Variants in DPYSL3 observed in about 807,000 individuals in gnomAD.
The protein encoded by DPYSL3 is dihydropyrimidinase-related protein 3.
Under a neutral mutation model 66.1 loss-of-function variants are expected in DPYSL3, and 16 were observed. The observed-to-expected ratio is 0.24, with a 90% CI of 0.16 to 0.37. The LOEUF (loss-of-function observed/expected upper bound fraction) is 0.37. Among genes scored for constraint, DPYSL3 ranks in the 10% least tolerant of loss-of-function variants. DPYSL3 has a pLI of 1.00. For missense variants in DPYSL3, 738 were observed against 916.2 expected (o/e 0.81, Z 2.51); for synonymous variants, 338 against 345.1 (o/e 0.98, Z 0.23).
intron 1 of DPYSL3, among the ~76,000 whole-genome samples, chr5:147,432,196 C>G (rs530731098): frequency 2.6e-5 from 4 of 152,274 alleles, no homozygotes; most frequent in Non-Finnish European, 5.9e-5. Flanking sequence ...CTTCAAAATG[C>G]AACCCACGAA....
At chr5:147,422,231 C>T (rs1376878238) in intron 2 of DPYSL3, among the ~76,000 whole-genome samples, 1 of 151,942 alleles carries the variant, frequency 6.6e-6, no homozygotes, top group South Asian at 2.1e-4. Context: ...ATTCATGTGG[C>T]CAAAAAACAT....
Position 147,509,466 on chromosome 5 carries a change from G to A in DPYSL3, c.381+12C>T. The A allele has an allele frequency of 6.7e-7, 1 of 1,495,128 alleles. No homozygotes were observed. The allele number at this position is 1,495,128 out of a possible 1,614,324, so 92.6% of individuals were successfully genotyped here. On this transcript the variant is annotated intron_variant, in intron 1 of 13. Transcript: ENST00000343218. This position sits in a 1 kb window ranked among gnomAD's most constrained non-coding sequence, Gnocchi z 5.3. ...CGAAGGCAAGGAGGGAAGTGACCCG[G>A]GGCCCCCTTACCTTGTCCTTGGGGC...
At chr5:147,421,260 C>A (rs1752071429) in intron 2 of DPYSL3, among the ~76,000 whole-genome samples, 1 of 152,118 alleles carries the variant, frequency 6.6e-6, no homozygotes, top group Non-Finnish European at 1.5e-5. Context: ...AACTCCCATT[C>A]ACAATTACTA....
At chr5:147,453,526 G>T in intron 1 of DPYSL3, 1 of 1,523,166 alleles carries the variant, frequency 6.6e-7, no homozygotes, top group Non-Finnish European at 8.8e-7. Context: ...GAGGAGGGAG[G>T]GAGCAGCGGC....
chr5:147,397,656 T>C lies in DPYSL3; in HGVS notation c.1803+10A>G, dbSNP rs375708216. ...CTCCTGCACCACCTCAGAGCTCCAA[T>C]GCTTTTTACCTTCCTCCGTGCTTTA... On this transcript the variant is annotated intron_variant, in intron 12 of 13. Coordinates refer to ENST00000343218, the MANE Select transcript of DPYSL3 (RefSeq NM_001197294.2). The C allele has an allele frequency of 6.2e-7, 1 of 1,611,442 alleles. No individual in the cohort carries two copies. Among genetic ancestry groups the C allele is most frequent in the Admixed American group, 1.7e-5 (1 of 59,946 alleles).
intron 1 of DPYSL3, among the ~76,000 whole-genome samples, chr5:147,496,488 G>A (rs1039783612): frequency 1.3e-5 from 2 of 151,810 alleles, no homozygotes; most frequent in Admixed American, 1.3e-4. Context: ...GAAAATTTTT[G>A]CAACCTACTC....
At chr5:147,479,777 A>T (rs371809287) in intron 1 of DPYSL3, among the ~76,000 whole-genome samples, 1 of 152,310 alleles carries the variant, frequency 6.6e-6, no homozygotes. Flanking sequence ...ATAACACCCA[A>T]GTCCCACTGT....
intron 1 of DPYSL3, among the ~76,000 whole-genome samples, chr5:147,461,214 G>A (rs983234838): frequency 6.6e-6 from 1 of 152,168 alleles, no homozygotes; most frequent in Non-Finnish European, 1.5e-5. Context: ...AAGCAACATG[G>A]CACTAGCAAG....
At chr5:147,407,943 T>C (rs1327899004) in intron 7 of DPYSL3, among the ~76,000 whole-genome samples, 3 of 152,128 alleles carry the variant, frequency 2.0e-5, no homozygotes, top group Non-Finnish European at 2.9e-5. Context: ...TAGAAACATT[T>C]TTTTCTATAT....
chr5:147,509,884 G>T lies in DPYSL3; in HGVS notation c.-26C>A, dbSNP rs1286157053. 1.5e-5 allele frequency: 23 copies of T among 1,488,174 alleles called. No homozygotes were observed. Among genetic ancestry groups the T allele is most frequent in the East Asian group, 2.5e-5 (1 of 39,880 alleles). 92.2% of individuals were successfully genotyped at this position (1,488,174 alleles called of 1,614,324 possible). A position where few individuals can be genotyped will look rare whatever the true frequency, so the allele number is the denominator to read the frequency against. Reference sequence around the variant, plus strand: ...GGTTCAAGCACGAAAGCGGCCCGCGGGTTTTTCTTCCCCAGAGGCGGAAAG... The same window carrying T: ...GGTTCAAGCACGAAAGCGGCCCGCGTGTTTTTCTTCCCCAGAGGCGGAAAG... On this transcript the variant is annotated 5_prime_UTR_variant, in exon 1 of 14. Coordinates refer to ENST00000343218, the MANE Select transcript of DPYSL3 (RefSeq NM_001197294.2). The surrounding 1 kb of genome is among the most constrained non-coding windows in gnomAD (Gnocchi z 5.3).
At chr5:147,434,683 G>A (rs1466950058) in intron 1 of DPYSL3, among the ~76,000 whole-genome samples, 2 of 148,190 alleles carry the variant, frequency 1.3e-5, no homozygotes, top group East Asian at 4.1e-4. Flanking sequence ...GACCTAAAAT[G>A]ACGAAGAGTA....
intron 8 of DPYSL3, 68 bp downstream of exon 8, chr5:147,405,542 G>T: frequency 6.5e-7 from 1 of 1,541,648 alleles, no homozygotes; most frequent in Non-Finnish European, 8.7e-7. Context: ...TATTACACAG[G>T]ACAACCAGAG....
intron 1 of DPYSL3, among the ~76,000 whole-genome samples, chr5:147,427,811 T>G (rs1581188609): frequency 6.6e-6 from 1 of 152,186 alleles, no homozygotes; most frequent in East Asian, 1.9e-4. Flanking sequence ...ATAATAACAA[T>G]CTTGGTAACT....
At chr5:147,434,242 A>G (rs1752373244) in intron 1 of DPYSL3, among the ~76,000 whole-genome samples, 1 of 152,254 alleles carries the variant, frequency 6.6e-6, no homozygotes, top group Non-Finnish European at 1.5e-5. Flanking sequence ...AGTCCAGTAC[A>G]GATTAAAGCC....
At chr5:147,505,796 A>G (rs1753678150) in intron 1 of DPYSL3, among the ~76,000 whole-genome samples, 1 of 152,198 alleles carries the variant, frequency 6.6e-6, no homozygotes, top group Non-Finnish European at 1.5e-5. Context: ...GTGGCACAAT[A>G]GAAGAAGGGT....
intron 1 of DPYSL3, among the ~76,000 whole-genome samples, chr5:147,476,545 A>G (rs1224618654): frequency 6.6e-6 from 1 of 152,152 alleles, no homozygotes; most frequent in Admixed American, 6.5e-5. Flanking sequence ...TAACGCTTCA[A>G]AGAGGAAAAG....
chr5:147,492,711 CAT>C (rs1304384701), intron 1 of DPYSL3, among the ~76,000 whole-genome samples: 2 of 152,034 alleles, frequency 1.3e-5, no homozygotes, highest in African/African-American at 4.8e-5. Flanking sequence ...AAAATGGAAT[CAT>C]ATAAAATTCT....
intron 1 of DPYSL3, among the ~76,000 whole-genome samples, chr5:147,447,525 G>A (rs1752649102): frequency 6.6e-6 from 1 of 152,146 alleles, no homozygotes; most frequent in African/African-American, 2.4e-5. Flanking sequence ...AGGCAAAGTT[G>A]AGCATTGATT....
chr5:147,404,915 T>C (rs10043932), intron 8 of DPYSL3, among the ~76,000 whole-genome samples: 6,160 of 152,022 alleles, frequency 0.041, 423 homozygotes, highest in African/African-American at 0.14. Flanking sequence ...CTGGCCAGAT[T>C]ATATCATCCC....
Sources: gnomAD v4.1 joint callset for allele counts (sites outside exome capture counted in the v4.1 genomes callset) on GRCh38, gnomAD v4.1.1 for gene constraint, Gnocchi (gnomAD v3.1) non-coding constraint, MANE v1.5 for transcripts, NCBI Gene and HGNC (gene_info 2026-07-23, HGNC 2026-07-21) for gene names.